SPATS2: variants seen among roughly 807,000 people sequenced by gnomAD.
The protein encoded by SPATS2 is spermatogenesis-associated serine-rich protein 2.
A neutral mutation model predicts 63.7 loss-of-function variants in SPATS2; 38 were observed. That is an observed-to-expected ratio of 0.60 (90% CI 0.46 to 0.78). SPATS2 has a LOEUF of 0.78. Ranked by LOEUF, SPATS2 falls within the 30% of genes least tolerant of loss-of-function variation. The pLI, the probability that SPATS2 is intolerant of heterozygous loss-of-function variation, is 0.00. For missense variants in SPATS2, 588 were observed against 666.2 expected, an observed-to-expected ratio of 0.88 and a Z score of 1.29; for synonymous variants, 207 against 232.9, an observed-to-expected ratio of 0.89 and a Z score of 1.01.
chr12:49,427,923 A>G (rs896508623), intron 2 of SPATS2, among the ~76,000 whole-genome samples: 5 of 151,966 alleles, frequency 3.3e-5, no homozygotes, highest in African/African-American at 1.2e-4. Context: ...TCAAGAAATC[A>G]ACTTTTTCTT....
At chr12:49,379,615 C>G (rs1944176163) in intron 2 of SPATS2, among the ~76,000 whole-genome samples, 1 of 145,128 alleles carries the variant, frequency 6.9e-6, no homozygotes. Context: ...TCACCTCTAT[C>G]TAGTTCAATT....
Position 49,489,459 on chromosome 12 carries a change from T to G in SPATS2, c.106-6T>G. 6.2e-7 allele frequency: 1 copy of G among 1,612,484 alleles called. No homozygotes were observed. The highest frequency in any genetic ancestry group is 8.5e-7 in the Non-Finnish European group (1 of 1,178,974). Reference sequence around the variant, plus strand: ...TAGAATTAAATGACCCTGTCATCTTTTCCAGATAAATGCGGTACGTGCAAT... The same window carrying G: ...TAGAATTAAATGACCCTGTCATCTTGTCCAGATAAATGCGGTACGTGCAAT... On this transcript the variant is annotated splice_region_variant and splice_polypyrimidine_tract_variant and intron_variant, in intron 4 of 13. Transcript: ENST00000552918.
At chr12:49,401,108 ATAAGCTGT>A (rs2090679310) in intron 2 of SPATS2, among the ~76,000 whole-genome samples, 1 of 151,734 alleles carries the variant, frequency 6.6e-6, no homozygotes, top group Non-Finnish European at 1.5e-5. Flanking sequence ...ACCTCCTGGG[ATAAGCTGT>A]CCTCCTGTCT....
intron 3 of SPATS2, among the ~76,000 whole-genome samples, chr12:49,464,796 C>G (rs1315419314): frequency 6.6e-6 from 1 of 152,094 alleles, no homozygotes; most frequent in Non-Finnish European, 1.5e-5. Context: ...TACACTCTAG[C>G]CTGGGTGACA....
chr12:49,463,500 T>G (rs1025873709), intron 3 of SPATS2: 2 of 152,218 alleles, frequency 1.3e-5, no homozygotes, highest in African/African-American at 4.8e-5. Flanking sequence ...TACACTTAGT[T>G]GGAAACAAAG....
At chr12:49,514,710 A>G (rs1047346837) in intron 10 of SPATS2, 97 bp downstream of exon 10, 7 of 1,008,328 alleles carry the variant, frequency 6.9e-6, no homozygotes, top group African/African-American at 1.6e-5. Context: ...AAATACCATA[A>G]TAAGAGTTTA....
chr12:49,390,299 C>T (rs539076886), intron 2 of SPATS2: 12 of 444,834 alleles, frequency 2.7e-5, no homozygotes, highest in Non-Finnish European at 4.0e-5. Flanking sequence ...GAGATAGCAA[C>T]AAAAACGCAT....
At chr12:49,373,895 G>A (rs768680182) in intron 2 of SPATS2, among the ~76,000 whole-genome samples, 1 of 151,886 alleles carries the variant, frequency 6.6e-6, no homozygotes, top group Non-Finnish European at 1.5e-5. Flanking sequence ...CTCCAGCCTG[G>A]GCGACACTGC....
intron 6 of SPATS2, among the ~76,000 whole-genome samples, chr12:49,492,372 C>T (rs1271142395): frequency 6.8e-6 from 1 of 147,320 alleles, no homozygotes; most frequent in Admixed American, 6.6e-5. Context: ...AGGTGCGTGC[C>T]ACTGCGCCTG....
chr12:49,490,589 T>G, intron 5 of SPATS2, 93 bp from the exon 6 acceptor site: 1 of 1,173,526 alleles, frequency 8.5e-7, no homozygotes, highest in Non-Finnish European at 1.3e-6. Context: ...CTTTGTAAAT[T>G]CTCCAGCAAT....
At chr12:49,408,090 T>C (rs1056668842) in intron 2 of SPATS2, among the ~76,000 whole-genome samples, 2 of 152,204 alleles carry the variant, frequency 1.3e-5, no homozygotes. Flanking sequence ...TCTAAAAAGT[T>C]ATTAGTTATT....
intron 3 of SPATS2, chr12:49,462,539 G>A (rs1488410679): frequency 3.0e-6 from 2 of 674,592 alleles, no homozygotes; most frequent in South Asian, 1.6e-5. Flanking sequence ...CAAGGGCAAA[G>A]GGCCAGTGTG....
At chr12:49,508,654 T>C (rs113599836) in intron 9 of SPATS2, among the ~76,000 whole-genome samples, 2,122 of 152,190 alleles carry the variant, frequency 0.014, 47 homozygotes, top group African/African-American at 0.047. Flanking sequence ...AGTCTGGTCT[T>C]GACCTCCTGG....
At chr12:49,431,157 T>C (rs1945178050) in intron 2 of SPATS2, among the ~76,000 whole-genome samples, 1 of 152,226 alleles carries the variant, frequency 6.6e-6, no homozygotes, top group Non-Finnish European at 1.5e-5. Context: ...GTTTTTTGTC[T>C]ATCCTTCCAG....
rs909466924 is a variant in SPATS2 at position 49,380,303 on chromosome 12, C to T, written c.-244+9013C>T. Among the ~76,000 whole-genome samples, 4 of 151,816 alleles carry T rather than the reference C, an allele frequency of 2.6e-5. No homozygotes were observed. In the East Asian group the frequency reaches 7.7e-4, roughly 29 times the overall value. On this transcript the variant is annotated intron_variant, in intron 2 of 13. Transcript: ENST00000552918. ...CCTCCCAAAGGGCTGGGATTACAGG[C>T]GAAAACCACCATGCCTGACCGAGAA...
At chr12:49,431,312 G>T (rs958988170) in intron 2 of SPATS2, among the ~76,000 whole-genome samples, 1 of 151,898 alleles carries the variant, frequency 6.6e-6, no homozygotes, top group Non-Finnish European at 1.5e-5. Context: ...GCAGTGGCGC[G>T]ATCTTGGCTC....
intron 3 of SPATS2, chr12:49,463,412 C>CAAAAAAAAAAAAAAAAAAAAAA: frequency 1.3e-5 from 1 of 75,962 alleles, no homozygotes. Context: ...GACTCTGTCT[C>CAAAAAAAAAAAAAAAAAAAAAA]AAAAAAAAAA....
intron 2 of SPATS2, among the ~76,000 whole-genome samples, chr12:49,392,376 C>G (rs972236367): frequency 2.0e-5 from 3 of 152,072 alleles, no homozygotes; most frequent in African/African-American, 4.8e-5. Flanking sequence ...ATGCTTCAAT[C>G]TTGTTTAATT....
chr12:49,386,216 G>GT (rs1944315974), intron 2 of SPATS2, among the ~76,000 whole-genome samples: 1 of 151,790 alleles, frequency 6.6e-6, no homozygotes. Context: ...CCAGGCTGGA[G>GT]TGCAGTGGTG....
Sources: allele counts gnomAD v4.1 joint callset (sites outside exome capture counted in the v4.1 genomes callset), GRCh38; gene constraint gnomAD v4.1.1; transcripts MANE v1.5; gene names NCBI Gene and HGNC (gene_info 2026-07-23, HGNC 2026-07-21).